The following LRRC4C variants were observed in gnomAD, a reference collection of about 807,000 sequenced individuals.
LRRC4C encodes the protein leucine rich repeat containing 4C.
Under a neutral mutation model 33.6 loss-of-function variants are expected in LRRC4C, and 5 were observed. The observed-to-expected ratio is 0.15, with a 90% CI of 0.08 to 0.31. LRRC4C has a LOEUF of 0.31. Among genes scored for constraint, LRRC4C ranks in the 10% least tolerant of loss-of-function variants. LRRC4C has a pLI of 1.00. For synonymous variants in LRRC4C, 329 were observed against 302.0 expected (o/e 1.09, Z -0.93); for missense variants, 560 against 796.7 (o/e 0.70, Z 3.58).
In LRRC4C at chr11:40,942,904, C is replaced by A. The variant is rs368542430; in HGVS notation, c.-495-9181G>T. Reference sequence around the variant, plus strand: ...CAAGGCATTTAACTCCCCATAACCCCTATTACTAACTTTCTATGTCAGCAA... The same window carrying A: ...CAAGGCATTTAACTCCCCATAACCCATATTACTAACTTTCTATGTCAGCAA... On this transcript the variant is annotated intron_variant, in intron 1 of 6. Coordinates refer to ENST00000528697, the MANE Select transcript of LRRC4C (RefSeq NM_001258419.2). Among the ~76,000 whole-genome samples the A allele has an allele frequency of 6.6e-5, 10 of 152,278 alleles. 1 individual carries two copies. In the East Asian group the frequency reaches 1.7e-3, roughly 26 times the overall value.
chr11:41,044,001 CCA>C (rs1565329987), intron 1 of LRRC4C, among the ~76,000 whole-genome samples: 1 of 152,020 alleles, frequency 6.6e-6, no homozygotes, highest in East Asian at 1.9e-4. Context: ...ATTCCCTCCC[CCA>C]CACACCTCAT....
At chr11:40,897,438 C>G (rs1287188103) in intron 2 of LRRC4C, among the ~76,000 whole-genome samples, 1 of 152,032 alleles carries the variant, frequency 6.6e-6, no homozygotes, top group Non-Finnish European at 1.5e-5. Context: ...TGGCTCTGCC[C>G]ATTAATTGAA....
chr11:40,878,108 A>G (rs901511361), intron 2 of LRRC4C, among the ~76,000 whole-genome samples: 6 of 152,074 alleles, frequency 3.9e-5, no homozygotes, highest in Non-Finnish European at 5.9e-5. Context: ...TGTGACTGAG[A>G]TAAGTGTGCA....
chr11:40,480,851 G>A (rs1380035651), intron 3 of LRRC4C, among the ~76,000 whole-genome samples: 1 of 151,992 alleles, frequency 6.6e-6, no homozygotes, highest in Admixed American at 6.6e-5. Context: ...AATACTACAT[G>A]TTTTTAGTTA....
intron 1 of LRRC4C, among the ~76,000 whole-genome samples, chr11:41,194,367 C>T (rs1946091805): frequency 6.6e-6 from 1 of 152,064 alleles, no homozygotes; most frequent in African/African-American, 2.4e-5. Context: ...AGTATAGAGA[C>T]ATAAAACTCA....
At chr11:40,326,315 G>A (rs1190373593) in intron 3 of LRRC4C, among the ~76,000 whole-genome samples, 2 of 152,064 alleles carry the variant, frequency 1.3e-5, no homozygotes, top group Admixed American at 6.5e-5. Context: ...TGTAATCCCA[G>A]CACTTTGGGA....
intron 3 of LRRC4C, among the ~76,000 whole-genome samples, chr11:40,464,547 C>T (rs1952562928): frequency 1.3e-5 from 2 of 151,752 alleles, no homozygotes; most frequent in African/African-American, 4.8e-5. Context: ...TCCTTTTTTG[C>T]TGGTGATATG....
chr11:40,670,367 A>G (rs1381237779), intron 2 of LRRC4C, among the ~76,000 whole-genome samples: 1 of 152,180 alleles, frequency 6.6e-6, no homozygotes, highest in South Asian at 2.1e-4. Flanking sequence ...CTACATGTAG[A>G]CTTCTCTTTT....
chr11:41,216,705 A>T (rs1376964997), intron 1 of LRRC4C, among the ~76,000 whole-genome samples: 1 of 152,194 alleles, frequency 6.6e-6, no homozygotes, highest in Non-Finnish European at 1.5e-5. Context: ...ATAAATCCAG[A>T]TTCTTCAAGT....
At chr11:40,142,290 A>C (rs1857426527) in intron 5 of LRRC4C, among the ~76,000 whole-genome samples, 1 of 151,668 alleles carries the variant, frequency 6.6e-6, no homozygotes, top group African/African-American at 2.4e-5. Flanking sequence ...AAAAAAAAAA[A>C]AAAAAAAAAA....
At chr11:40,621,315 T>C (rs1438682861) in intron 3 of LRRC4C, among the ~76,000 whole-genome samples, 1 of 151,648 alleles carries the variant, frequency 6.6e-6, no homozygotes, top group African/African-American at 2.4e-5. Context: ...TTTCTGGCCC[T>C]TGTCTACATC....
chr11:40,532,855 C>T (rs1378028878), intron 3 of LRRC4C, among the ~76,000 whole-genome samples: 2 of 152,086 alleles, frequency 1.3e-5, no homozygotes, highest in East Asian at 3.9e-4. Flanking sequence ...CACAGTTTCG[C>T]ATGGCTGGAG....
intron 1 of LRRC4C, among the ~76,000 whole-genome samples, chr11:41,218,137 A>G (rs1250229401): frequency 6.1e-5 from 1 of 16,414 alleles, no homozygotes; most frequent in Non-Finnish European, 1.8e-4. Flanking sequence ...CCTCAAGGTC[A>G]CCAAAAAAAA....
intron 3 of LRRC4C, among the ~76,000 whole-genome samples, chr11:40,360,175 T>A (rs1003358198): frequency 6.6e-6 from 1 of 152,146 alleles, no homozygotes; most frequent in Non-Finnish European, 1.5e-5. Flanking sequence ...ACAAATGAAA[T>A]GATCTCTATG....
intron 3 of LRRC4C, among the ~76,000 whole-genome samples, chr11:40,356,903 A>G (rs1165507288): frequency 6.6e-6 from 1 of 152,132 alleles, no homozygotes; most frequent in African/African-American, 2.4e-5. Flanking sequence ...CAACCATTAG[A>G]AGAAAGGCTG....
intron 1 of LRRC4C, among the ~76,000 whole-genome samples, chr11:41,150,028 A>T (rs1225213704): frequency 6.6e-6 from 1 of 152,174 alleles, no homozygotes; most frequent in African/African-American, 2.4e-5. Context: ...TCCTAATTGA[A>T]GATACAGCCC....
intron 3 of LRRC4C, among the ~76,000 whole-genome samples, chr11:40,542,616 T>C (rs1160419193): frequency 6.6e-6 from 1 of 151,058 alleles, no homozygotes; most frequent in Non-Finnish European, 1.5e-5. Context: ...GAGCAAGCCC[T>C]GCGTTCACAG....
intron 3 of LRRC4C, among the ~76,000 whole-genome samples, chr11:40,590,790 G>A (rs1183375701): frequency 2.2e-4 from 34 of 152,274 alleles, no homozygotes; most frequent in Admixed American, 7.2e-4. Flanking sequence ...TAGGCTGCTC[G>A]GGGGTCAGGG....
intron 1 of LRRC4C, among the ~76,000 whole-genome samples, chr11:40,973,342 GA>G (rs1355475213): frequency 2.0e-5 from 3 of 151,194 alleles, no homozygotes; most frequent in Admixed American, 6.6e-5. Context: ...CTTAGGCAAA[GA>G]AAAAAATAAA....
Sources: gnomAD v4.1 joint callset for allele counts (sites outside exome capture counted in the v4.1 genomes callset) on GRCh38, gnomAD v4.1.1 for gene constraint, MANE v1.5 for transcripts, NCBI Gene and HGNC (gene_info 2026-07-23, HGNC 2026-07-21) for gene names.